The following RBFOX1 variants were observed in gnomAD, a reference collection of about 807,000 sequenced individuals.
RBFOX1 encodes RNA binding fox-1 homolog 1, also known as RNA binding protein fox-1 homolog 1.
In RBFOX1, 8 loss-of-function variants were observed where a neutral mutation model predicts 57.7. The ratio of observed to expected loss-of-function variants is 0.14; its 90% CI spans 0.08 to 0.25. The LOEUF is 0.25. Ranked by LOEUF, RBFOX1 falls within the 10% of genes least tolerant of loss-of-function variation. RBFOX1 has a pLI of 1.00. For missense variants in RBFOX1, 611 were observed against 548.5 expected (o/e 1.11, Z -1.14); for synonymous variants, 326 against 222.4 (o/e 1.47, Z -4.15).
At chr16:5,760,046 C>T (rs2053540030) in intron 3 of RBFOX1, among the ~76,000 whole-genome samples, 1 of 150,866 alleles carries the variant, frequency 6.6e-6, no homozygotes, top group African/African-American at 2.4e-5. Context: ...CCTCAATATG[C>T]TGAGATGTTT....
intron 3 of RBFOX1, among the ~76,000 whole-genome samples, chr16:6,833,547 T>C (rs2092866384): frequency 6.6e-6 from 1 of 152,166 alleles, no homozygotes; most frequent in Admixed American, 6.5e-5. Flanking sequence ...GGCCAGCTAC[T>C]CTCTGACAGT....
chr16:7,198,009 T>C (rs1347429918), intron 4 of RBFOX1, among the ~76,000 whole-genome samples: 1 of 129,242 alleles, frequency 7.7e-6, no homozygotes, highest in Admixed American at 7.7e-5. Flanking sequence ...TTTTTTTTTT[T>C]TTTTTTTTTT....
At chr16:7,017,598 G>T (rs761472900) in intron 3 of RBFOX1, among the ~76,000 whole-genome samples, 1 of 152,178 alleles carries the variant, frequency 6.6e-6, no homozygotes, top group Non-Finnish European at 1.5e-5. Context: ...TCATGAGGCT[G>T]GGGTCAAGGT....
At chr16:7,165,345 A>C (rs748886734) in intron 4 of RBFOX1, among the ~76,000 whole-genome samples, 6 of 150,104 alleles carry the variant, frequency 4.0e-5, no homozygotes, top group Non-Finnish European at 5.9e-5. Flanking sequence ...GGGTGAAAAA[A>C]TGGACTTAAT....
chr16:6,805,591 C>T (rs1397700097), intron 3 of RBFOX1, among the ~76,000 whole-genome samples: 4 of 152,066 alleles, frequency 2.6e-5, no homozygotes, highest in Non-Finnish European at 5.9e-5. Flanking sequence ...TACAGATCAT[C>T]AGACAATGAA....
chr16:5,871,923 C>A lies in RBFOX1; in HGVS notation c.351+4588C>A, dbSNP rs550453166. 1.1e-4 allele frequency among the ~76,000 whole-genome samples: 17 copies of A among 152,222 alleles called. No homozygotes were observed. In the East Asian group the frequency reaches 2.7e-3, roughly 24 times the overall value. ...ACAGCTCTGCTATCCCAAATAATTG[C>A]AATGGGAAACTACGCAGGTAGCAAA... On this transcript the variant is annotated intron_variant, in intron 4 of 19. Coordinates refer to the RBFOX1 transcript ENST00000641259.
intron 3 of RBFOX1, among the ~76,000 whole-genome samples, chr16:6,716,917 G>T (rs2064945590): frequency 6.6e-6 from 1 of 152,204 alleles, no homozygotes; most frequent in African/African-American, 2.4e-5. Flanking sequence ...ATGGTATTAG[G>T]AGGTGGGGTC....
intron 2 of RBFOX1, among the ~76,000 whole-genome samples, chr16:6,622,066 T>C (rs1010298921): frequency 6.6e-6 from 1 of 152,200 alleles, no homozygotes; most frequent in African/African-American, 2.4e-5. Flanking sequence ...TTGGTGTTTA[T>C]GTGGAAAGGG....
rs567832927 is a variant in RBFOX1 at position 7,689,113 on chromosome 16, AAATG to A, written c.995+12279_995+12282del. The stretch of plus-strand genomic sequence containing the variant: ...AAAAAGAAGGGTTATAAGAAAAATT[AAATG>A]AATACATAGGTATGACACTTGGCAA... On this transcript the variant is annotated intron_variant, in intron 14 of 15. Coordinates refer to ENST00000550418, the MANE Select transcript of RBFOX1 (RefSeq NM_018723.4). 6.4e-3 allele frequency among the ~76,000 whole-genome samples: 981 copies of A among 152,276 alleles called. 6 individuals are homozygous for A. Among genetic ancestry groups the A allele is most frequent in the Middle Eastern group, 0.014 (4 of 294 alleles).
At chr16:6,611,980 C>G (rs139694526) in intron 2 of RBFOX1, among the ~76,000 whole-genome samples, 2,430 of 150,116 alleles carry the variant, frequency 0.016, 26 homozygotes, top group Non-Finnish European at 0.024. Flanking sequence ...CTTCTTTGGC[C>G]TCTCAGATCT....
chr16:7,270,962 G>T (rs1317056617), intron 4 of RBFOX1, among the ~76,000 whole-genome samples: 1 of 152,138 alleles, frequency 6.6e-6, no homozygotes, highest in Non-Finnish European at 1.5e-5. Context: ...GCTGGGTGCT[G>T]AGTCATTTGG....
chr16:6,953,571 G>A (rs1280491288), intron 3 of RBFOX1, among the ~76,000 whole-genome samples: 2 of 152,114 alleles, frequency 1.3e-5, no homozygotes, highest in Non-Finnish European at 2.9e-5. Flanking sequence ...ATCTTTAGTA[G>A]AGATGGGGTT....
At chr16:6,326,986 G>T (rs1445570092) in intron 2 of RBFOX1, among the ~76,000 whole-genome samples, 1 of 152,156 alleles carries the variant, frequency 6.6e-6, no homozygotes. Context: ...CCACATCTCA[G>T]GGACCTTCTT....
At chr16:6,064,239 C>T (rs1471810754) in intron 1 of RBFOX1, among the ~76,000 whole-genome samples, 1 of 152,028 alleles carries the variant, frequency 6.6e-6, no homozygotes, top group Non-Finnish European at 1.5e-5. Context: ...AAATCTGAAG[C>T]CCTAGGTTTA....
intron 2 of RBFOX1, among the ~76,000 whole-genome samples, chr16:5,494,997 A>G (rs2042956164): frequency 6.6e-6 from 1 of 152,190 alleles, no homozygotes; most frequent in South Asian, 2.1e-4. Flanking sequence ...GTTTTACGTG[A>G]CTAGTGTATT....
At chr16:6,490,539 C>T (rs1172008973) in intron 2 of RBFOX1, among the ~76,000 whole-genome samples, 1 of 152,176 alleles carries the variant, frequency 6.6e-6, no homozygotes, top group Non-Finnish European at 1.5e-5. Context: ...AAGTGTTAGG[C>T]ATAGGTATCT....
intron 2 of RBFOX1, among the ~76,000 whole-genome samples, chr16:6,492,120 G>GTA (rs1179269611): frequency 1.3e-5 from 2 of 151,580 alleles, no homozygotes; most frequent in Non-Finnish European, 2.9e-5. Flanking sequence ...ATATGAAAGT[G>GTA]TGTGTGTGTG....
intron 2 of RBFOX1, among the ~76,000 whole-genome samples, chr16:6,522,341 A>T (rs576825499): frequency 1.3e-5 from 2 of 152,234 alleles, no homozygotes; most frequent in South Asian, 4.2e-4. Context: ...ATTTGTTAAA[A>T]TATTGATGGC....
intron 4 of RBFOX1, among the ~76,000 whole-genome samples, chr16:7,072,122 C>T (rs150858893): frequency 0.01 from 1,540 of 152,274 alleles, 30 homozygotes; most frequent in African/African-American, 0.035. Context: ...GTATCTTGAG[C>T]TGCCTGGAAC....
Sources: gnomAD v4.1 joint callset for allele counts (sites outside exome capture counted in the v4.1 genomes callset) on GRCh38, gnomAD v4.1.1 for gene constraint, MANE v1.5 for transcripts, NCBI Gene and HGNC (gene_info 2026-07-23, HGNC 2026-07-21) for gene names.